Variants in PYGL observed in about 807,000 individuals in gnomAD.
PYGL encodes the protein glycogen phosphorylase, liver form.
In PYGL, 90 loss-of-function variants were observed where a neutral mutation model predicts 100.1. That is an observed-to-expected ratio of 0.90 (90% CI 0.76 to 1.07). The LOEUF (loss-of-function observed/expected upper bound fraction) is 1.07, where lower values mean the gene tolerates loss of function less well. PYGL is among the 50% of genes least tolerant of loss of function. The probability of loss-of-function intolerance (pLI) is 0.00; values close to 1 mark genes in which losing one functional copy is unlikely to be tolerated. For synonymous variants in PYGL, 373 were observed against 393.0 expected (o/e 0.95, Z 0.60); for missense variants, 1,016 against 1,057.6 (o/e 0.96, Z 0.55).
intron 1 of PYGL, among the ~76,000 whole-genome samples, chr14:50,938,729 G>A (rs1308420962): frequency 6.6e-6 from 1 of 151,956 alleles, no homozygotes; most frequent in African/African-American, 2.4e-5. Flanking sequence ...TTTTACCCCC[G>A]GGGAGAAAAA....
intron 19 of PYGL, among the ~76,000 whole-genome samples, chr14:50,906,885 AAGC>A (rs1479361257): frequency 2.0e-5 from 3 of 152,212 alleles, no homozygotes; most frequent in Admixed American, 6.5e-5. Context: ...AAGGGCTGTA[AAGC>A]AGCACAGGCG....
chr14:50,923,687 CAAA>C (rs762951824), intron 5 of PYGL: 2,268 of 118,866 alleles, frequency 0.019, no homozygotes, highest in South Asian at 0.038. Flanking sequence ...AATTTTCTGG[CAAA>C]AAAAAAAAAA....
intron 9 of PYGL, among the ~76,000 whole-genome samples, chr14:50,916,248 A>G (rs968804859): frequency 6.6e-6 from 1 of 152,264 alleles, no homozygotes; most frequent in Admixed American, 6.5e-5. Flanking sequence ...TTAAATACAC[A>G]GATTGAGGGA....
chr14:50,931,898 T>C, intron 3 of PYGL, 122 bp from the exon 4 acceptor site: 1 of 772,938 alleles, frequency 1.3e-6, no homozygotes, highest in Non-Finnish European at 2.3e-6. Flanking sequence ...ATTTGTATTC[T>C]AAAGCACAGA....
At chr14:50,908,442 G>A (rs1250270350) in intron 18 of PYGL, 105 bp from the exon 19 acceptor site, 1 of 1,050,624 alleles carries the variant, frequency 9.5e-7, no homozygotes. Flanking sequence ...ATCAGGCATG[G>A]CTGGTTTACC....
In PYGL at chr14:50,942,277, TA is replaced by T. The variant is rs2050708195; in HGVS notation, c.243+1883del. On this transcript the variant is annotated intron_variant, in intron 1 of 19. Coordinates refer to ENST00000216392, the MANE Select transcript of PYGL (RefSeq NM_002863.5). The stretch of plus-strand genomic sequence containing the variant: ...TTCCTGGCTTATATCTGCACTCACG[TA>T]GAAAAGGAGAGCCCAGTGAAGAAAC... Among the ~76,000 whole-genome samples, 2 of 140,746 alleles carry T rather than the reference TA, an allele frequency of 1.4e-5. 1 individual carries two copies. The highest frequency in any genetic ancestry group is 3.1e-5 in the Non-Finnish European group (2 of 63,688). 92.3% of individuals were successfully genotyped at this position (140,746 alleles called of 152,430 possible).
intron 5 of PYGL, 50 bp from the exon 6 acceptor site, chr14:50,921,117 C>T: frequency 1.4e-6 from 2 of 1,443,892 alleles, no homozygotes; most frequent in Non-Finnish European, 2.0e-6. Flanking sequence ...AGTGTGATGA[C>T]ATAGGTTGAA....
chr14:50,937,686 G>T, intron 2 of PYGL, 50 bp downstream of exon 2: 1 of 1,522,148 alleles, frequency 6.6e-7, no homozygotes, highest in Non-Finnish European at 9.1e-7. Flanking sequence ...TTCCTGAAGT[G>T]CACATGAAAT....
chr14:50,937,472 A>T (rs1011167635), intron 2 of PYGL, among the ~76,000 whole-genome samples: 4 of 152,252 alleles, frequency 2.6e-5, no homozygotes, highest in Non-Finnish European at 4.4e-5. Context: ...TCTGAAATGT[A>T]ATCTGTGAGG....
Position 50,931,742 on chromosome 14 carries a change from A to C in PYGL, c.459T>G (p.Leu153=). The C allele has an allele frequency of 6.2e-7, 1 of 1,613,962 alleles. No individual in the cohort carries two copies. Among genetic ancestry groups the C allele is most frequent in the Non-Finnish European group, 8.5e-7 (1 of 1,179,888 alleles). Residue 153 remains leucine, a synonymous_variant, in exon 4 of 20, where the codon CTT becomes CTG. Coordinates refer to ENST00000216392, the MANE Select transcript of PYGL (RefSeq NM_002863.5). ...CFLDSMATLG[L]AAYGYGIRYE... ...ACCGAATGCCGTATCCATAGGCTGC[A>C]AGTCCCAGGGTTGCCATGGAATCCA...
At chr14:50,935,316 T>C in intron 2 of PYGL, 131 bp from the exon 3 acceptor site, 1 of 762,656 alleles carries the variant, frequency 1.3e-6, no homozygotes, top group Non-Finnish European at 2.3e-6. Context: ...TCAGCTCCCT[T>C]GCAGCTTGTT....
chr14:50,910,063 G>T lies in PYGL; in HGVS notation c.2009C>A (p.Ala670Glu). 1 of 1,614,142 alleles carries T rather than the reference G, an allele frequency of 6.2e-7. No homozygotes were observed. The change falls in exon 17 of 20, where the codon GCA becomes GAA. Residue 670 changes from alanine to glutamate, a missense_variant. Physicochemically the swap from Ala to Glu is moderately radical, Grantham distance 107. Coordinates refer to ENST00000216392, the MANE Select transcript of PYGL (RefSeq NM_002863.5). ...ATDLSEQIST[A>E]GTEASGTGNM... is the part of the protein sequence containing the mutation. ...GCCTGTCCCCGAGGCTTCGGTGCCT[G>T]CAGTGGAAATCTGCTCTGACAGATC...
At chr14:50,905,894 C>A (rs2142782707) in intron 19 of PYGL, among the ~76,000 whole-genome samples, 1 of 152,310 alleles carries the variant, frequency 6.6e-6, no homozygotes, top group South Asian at 2.1e-4. Context: ...AGATGCTTCC[C>A]TTTAAACTAT....
At position 50,944,373 on chromosome 14, in the gene PYGL, G is replaced by C. The variant is rs758520596; in HGVS notation, c.31C>G (p.Arg11Gly). MAKPLTDQEK[R>G]RQISIRGIVG... ...ATGCCGCGGATGCTGATCTGCCGCC[G>C]CTTCTCCTGGTCCGTCAGGGGCTTC... Residue 11 changes from arginine to glycine, a missense_variant, in exon 1 of 20, where the codon CGG (arginine) becomes GGG (glycine). By Grantham distance (125) the Arg-to-Gly change is moderately radical (BLOSUM62 -2). Coordinates refer to ENST00000216392, the MANE Select transcript of PYGL (RefSeq NM_002863.5). 19 of 1,613,232 alleles carry C rather than the reference G, an allele frequency of 1.2e-5. 1 individual carries two copies. In the Middle Eastern group the frequency reaches 1.5e-3, roughly 126 times the overall value.
At chr14:50,929,666 T>C (rs11846533) in intron 4 of PYGL, among the ~76,000 whole-genome samples, 9,069 of 152,254 alleles carry the variant, frequency 0.06, 387 homozygotes, top group African/African-American at 0.12. Flanking sequence ...GAGTAGCGCA[T>C]GGTATCCTTT....
chr14:50,928,753 C>T (rs1320568045), intron 4 of PYGL, among the ~76,000 whole-genome samples: 1 of 151,910 alleles, frequency 6.6e-6, no homozygotes, highest in Non-Finnish European at 1.5e-5. Flanking sequence ...GAATTTTCAT[C>T]AGCCTTCTCC....
chr14:50,935,979 C>T (rs2050650726), intron 2 of PYGL, among the ~76,000 whole-genome samples: 1 of 152,218 alleles, frequency 6.6e-6, no homozygotes, highest in East Asian at 1.9e-4. Context: ...GACTGATTGC[C>T]AGCTAGCTCC....
chr14:50,919,931 G>A (rs1013564326), intron 7 of PYGL, among the ~76,000 whole-genome samples: 3 of 151,784 alleles, frequency 2.0e-5, no homozygotes, highest in African/African-American at 4.8e-5. Context: ...TGATTTGCCC[G>A]CCTCAGACTC....
chr14:50,910,254 C>T, intron 16 of PYGL, 152 bp from the exon 17 acceptor site: 1 of 814,838 alleles, frequency 1.2e-6, no homozygotes, highest in South Asian at 1.7e-5. Context: ...GCAGATCACA[C>T]TCTTTCCCCT....
Sources: allele counts gnomAD v4.1 joint callset (sites outside exome capture counted in the v4.1 genomes callset), GRCh38; gene constraint gnomAD v4.1.1; transcripts MANE v1.5; gene names NCBI Gene and HGNC (gene_info 2026-07-23, HGNC 2026-07-21).